Variants in RHOXF1 observed in about 807,000 individuals in gnomAD.
The protein encoded by RHOXF1 is Rhox homeobox family member 1, also known as PEPP subfamily gene 1.
In RHOXF1, 1 loss-of-function variant was observed where a neutral mutation model predicts 9.7. The ratio of observed to expected loss-of-function variants is 0.10; its 90% CI spans 0.04 to 0.49. The LOEUF (loss-of-function observed/expected upper bound fraction) is 0.49. RHOXF1 is among the 20% of genes least tolerant of loss of function. The probability of loss-of-function intolerance (pLI) is 0.95; values close to 1 mark genes in which losing one functional copy is unlikely to be tolerated. For synonymous variants in RHOXF1, 72 were observed against 70.2 expected, an observed-to-expected ratio of 1.03 and a Z score of -0.13; for missense variants, 179 against 168.0, an observed-to-expected ratio of 1.07 and a Z score of -0.36.
At chrX:120,118,104 C>T (rs1322645527), upstream of RHOXF1, among the ~76,000 whole-genome samples, 1 of 112,162 alleles carries the variant, frequency 8.9e-6, no homozygotes, top group Non-Finnish European at 1.9e-5. Flanking sequence ...TACAGGCTGC[C>T]TTGAGGAAGC....
Position 120,115,612 on chromosome X carries a change from G to T in RHOXF1, c.251C>A (p.Pro84Gln), listed in dbSNP as rs781996156. 2 of 1,165,681 alleles carry T rather than the reference G, an allele frequency of 1.7e-6. No individual in the cohort carries two copies. The highest frequency in any genetic ancestry group is 2.3e-6 in the Non-Finnish European group (2 of 872,847). ...GGCCGCCTGGGCCGGCTCCTCCGGC[G>T]GGGGCTGCGGCTGCTGCCGAGGCTC... is the stretch of plus-strand genomic sequence containing the variant. ...NQEPRQQPQP[P>Q]PEEPAQAAME... The change falls in exon 1 of 3, where the codon CCG (proline) becomes CAG (glutamine). Residue 84 changes from proline (P) to glutamine (Q), a missense_variant. Coordinates refer to ENST00000217999, the MANE Select transcript of RHOXF1 (RefSeq NM_139282.3).
intron 2 of RHOXF1, among the ~76,000 whole-genome samples, chrX:120,112,327 C>T (rs782265743): frequency 9.3e-6 from 1 of 107,079 alleles, no homozygotes; most frequent in East Asian, 2.9e-4. Flanking sequence ...AGAAATTGTT[C>T]CTAAAAGATA....
At chrX:120,112,939 T>A in intron 1 of RHOXF1, 25 bp from the exon 2 acceptor site, 3 of 1,094,549 alleles carry the variant, frequency 2.7e-6, no homozygotes, top group Non-Finnish European at 3.8e-6. Context: ...TCACACATGG[T>A]TAGTATTCAA....
chrX:120,112,402 T>C (rs1444083801), intron 2 of RHOXF1, among the ~76,000 whole-genome samples: 1 of 24,513 alleles, frequency 4.1e-5, no homozygotes, highest in Admixed American at 5.0e-4. Context: ...ATGTATGATA[T>C]ATATACATAT....
At chrX:120,118,625 T>A (rs1490236377), upstream of RHOXF1, among the ~76,000 whole-genome samples, 1 of 111,983 alleles carries the variant, frequency 8.9e-6, no homozygotes, top group Admixed American at 9.5e-5. Flanking sequence ...ACCTTTAATT[T>A]TTTTTCTCTG....
chrX:120,116,235 C>T (rs1556000626), upstream of RHOXF1, among the ~76,000 whole-genome samples: 1 of 42,387 alleles, frequency 2.4e-5, no homozygotes, highest in African/African-American at 9.9e-5. Flanking sequence ...GTGGGGGTAG[C>T]GGGTGGAGAT....
chrX:120,119,788 G>T (rs1470501654), upstream of RHOXF1: 1 of 112,106 alleles, frequency 8.9e-6, no homozygotes, highest in Non-Finnish European at 1.9e-5. Context: ...TCAGAGAGAG[G>T]TTGTGAGATT....
In RHOXF1 at chrX:120,115,531, G is replaced by T. The variant is rs2057289760; in HGVS notation, c.332C>A (p.Thr111Lys). The stretch of plus-strand genomic sequence containing the variant: ...TTCCAGCTCCTCCACCTGCAACAGC[G>T]TGAACTTCGTGCGCCGAGTTCGTGG... ...MQPRTRRTKF[T>K]LLQVEELESV... The change falls in exon 1 of 3, where the codon ACG becomes AAG. Residue 111 changes from threonine (T) to lysine (K), a missense_variant. Physicochemically the swap from Thr to Lys is moderately conservative, Grantham distance 78. Transcript: ENST00000217999. 2.6e-6 allele frequency: 3 copies of T among 1,136,603 alleles called. No homozygotes were observed. Among genetic ancestry groups the T allele is most frequent in the African/African-American group, 1.8e-5 (1 of 54,558 alleles). The allele number at this position is 1,136,603 out of a possible 1,213,427, so 93.7% of individuals were successfully genotyped here.
At chrX:120,117,318 G>A (rs782582124), upstream of RHOXF1, among the ~76,000 whole-genome samples, 3 of 110,870 alleles carry the variant, frequency 2.7e-5, no homozygotes, top group Non-Finnish European at 3.8e-5. Flanking sequence ...CGCTAAGAGA[G>A]TCTGTCATGA....
Position 120,115,810 on chromosome X carries a change from T to A in RHOXF1, c.53A>T (p.Gln18Leu). ...DTVFYCLSVYQVKISPTPQLG... is the reference protein window; with the variant it reads ...DTVFYCLSVYLVKISPTPQLG... ...CTGAGGTGTGGGGCTTATTTTTACC[T>A]GGTATACACTCAGGCAGTAGAACAC... The change falls in exon 1 of 3, where the codon CAG becomes CTG. Residue 18 changes from glutamine (Q) to leucine (L), a missense_variant. Physicochemically the swap from Gln to Leu is moderately radical, Grantham distance 113. Coordinates refer to ENST00000217999, the MANE Select transcript of RHOXF1 (RefSeq NM_139282.3). The A allele has an allele frequency of 8.3e-7, 1 of 1,199,826 alleles. No individual in the cohort carries two copies. The highest frequency in any genetic ancestry group is 1.1e-6 in the Non-Finnish European group (1 of 893,018).
rs782648565 is a variant in RHOXF1 at position 120,115,342 on chromosome X, C to A, written c.398+123G>T. 8.0e-6 allele frequency: 4 copies of A among 498,234 alleles called. No individual in the cohort carries two copies. In the Admixed American group the frequency reaches 1.7e-4, roughly 21 times the overall value. 41.1% of individuals were successfully genotyped at this position (498,234 alleles called of 1,213,427 possible). A position where few individuals can be genotyped will look rare whatever the true frequency, so the allele number is the denominator to read the frequency against. ...AGGAGGTAAATATCCCCCTCCACAC[C>A]AGCACAAAGGCAGGCAAGGACCCCC... On this transcript the variant is annotated intron_variant, in intron 1 of 2. Coordinates refer to ENST00000217999, the MANE Select transcript of RHOXF1 (RefSeq NM_139282.3).
chrX:120,115,863 G>C lies in RHOXF1; in HGVS notation c.-1C>G. 1.7e-6 allele frequency: 2 copies of C among 1,169,732 alleles called. No homozygotes were observed. Among genetic ancestry groups the C allele is most frequent in the Admixed American group, 2.3e-5 (1 of 42,725 alleles). On this transcript the variant is annotated 5_prime_UTR_variant, in exon 1 of 3. Transcript: ENST00000217999. ...TGTCGTGGACGAGCGAACGCGCCATGGCTGGAGCGCTGCGCCCCTGCACAA... is the reference window on the plus strand; with the variant it reads ...TGTCGTGGACGAGCGAACGCGCCATCGCTGGAGCGCTGCGCCCCTGCACAA...
chrX:120,110,891 A>G (rs1344311767), intron 2 of RHOXF1, among the ~76,000 whole-genome samples: 2 of 112,017 alleles, frequency 1.8e-5, no homozygotes, highest in Non-Finnish European at 1.9e-5. Context: ...CTAAAAGTCT[A>G]AAAGAGCTCA....
At chrX:120,109,539 C>G (rs980596508) in intron 2 of RHOXF1, among the ~76,000 whole-genome samples, 1 of 109,923 alleles carries the variant, frequency 9.1e-6, no homozygotes, top group Admixed American at 9.7e-5. Flanking sequence ...TACTTTGTAT[C>G]TCTCTTCTCC....
chrX:120,120,041 T>A (rs6603594), upstream of RHOXF1, among the ~76,000 whole-genome samples: 16,624 of 110,880 alleles, frequency 0.15, 1,065 homozygotes, highest in African/African-American at 0.23. Context: ...TCATAGTATG[T>A]TACCAAGCAT....
rs782251717 is a variant in RHOXF1, at chrX:120,109,174, A to G, written c.*18T>C. 8.3e-6 allele frequency: 9 copies of G among 1,086,983 alleles called. No individual in the cohort carries two copies. Among genetic ancestry groups the G allele is most frequent in the Non-Finnish European group, 1.1e-5 (9 of 792,062 alleles). The allele number at this position is 1,086,983 out of a possible 1,213,427, so 89.6% of individuals were successfully genotyped here. On this transcript the variant is annotated 3_prime_UTR_variant, in exon 3 of 3. Coordinates refer to ENST00000217999, the MANE Select transcript of RHOXF1 (RefSeq NM_139282.3). ...CCCATCTCCAAACTAGCTCCTGAAG[A>G]AGGATGGCATTCTAGGGCTAGTCCA...
chrX:120,112,147 G>A (rs1291494129), intron 2 of RHOXF1, among the ~76,000 whole-genome samples: 2 of 110,569 alleles, frequency 1.8e-5, no homozygotes, highest in Admixed American at 9.7e-5. Context: ...AATGTGTTCT[G>A]TGGGTGAATT....
chrX:120,112,439 TATATATAATACACATATGTATA>T (rs1163287853), intron 2 of RHOXF1, among the ~76,000 whole-genome samples: 5 of 22,289 alleles, frequency 2.2e-4, no homozygotes, highest in Admixed American at 7.8e-4. Context: ...ACACATATAT[TATATATAATACACATATGTATA>T]ATATATAATA....
At chrX:120,117,263 T>C (rs2057300575), upstream of RHOXF1, among the ~76,000 whole-genome samples, 1 of 109,569 alleles carries the variant, frequency 9.1e-6, no homozygotes, top group African/African-American at 3.3e-5. Flanking sequence ...TTCTTTAAAA[T>C]AAATAATAAA....
Sources: allele counts gnomAD v4.1 joint callset (sites outside exome capture counted in the v4.1 genomes callset), GRCh38; gene constraint gnomAD v4.1.1; transcripts MANE v1.5; gene names NCBI Gene and HGNC (gene_info 2026-07-23, HGNC 2026-07-21).